Variants in NOL4 observed in about 807,000 individuals in gnomAD.
The protein encoded by NOL4 is cancer/testis antigen 125.
Under a neutral mutation model 75.9 loss-of-function variants are expected in NOL4, and 17 were observed. The observed-to-expected ratio is 0.22, with a 90% CI of 0.15 to 0.34. The LOEUF (loss-of-function observed/expected upper bound fraction) is 0.34. NOL4 is among the 10% of genes least tolerant of loss of function. The pLI, the probability that NOL4 is intolerant of heterozygous loss-of-function variation, is 1.00. For synonymous variants in NOL4, 292 were observed against 289.9 expected, an observed-to-expected ratio of 1.01 and a Z score of -0.07; for missense variants, 614 against 793.5, an observed-to-expected ratio of 0.77 and a Z score of 2.72.
intron 1 of NOL4, among the ~76,000 whole-genome samples, chr18:34,154,300 G>A (rs2029927048): frequency 6.6e-6 from 1 of 151,942 alleles, no homozygotes. Flanking sequence ...TTTAATGAAT[G>A]TACACATTAA....
At chr18:33,881,408 T>A (rs1164091511) in intron 10 of NOL4, among the ~76,000 whole-genome samples, 2 of 150,386 alleles carry the variant, frequency 1.3e-5, no homozygotes, top group Non-Finnish European at 3.0e-5. Context: ...CTATGTTGAA[T>A]AGGAGTGGTG....
At chr18:34,119,682 C>T (rs1367369389) in intron 2 of NOL4, among the ~76,000 whole-genome samples, 6 of 152,162 alleles carry the variant, frequency 3.9e-5, no homozygotes, top group African/African-American at 9.6e-5. Flanking sequence ...AGTGCAGTGG[C>T]GCGATCTCGG....
intron 10 of NOL4, among the ~76,000 whole-genome samples, chr18:33,881,502 G>A (rs2064270901): frequency 6.6e-6 from 1 of 152,016 alleles, no homozygotes; most frequent in East Asian, 1.9e-4. Context: ...GGCTGTGGAT[G>A]TGAAGGACCT....
chr18:33,874,903 T>C (rs1448717494), intron 10 of NOL4, among the ~76,000 whole-genome samples: 1 of 151,966 alleles, frequency 6.6e-6, no homozygotes, highest in Non-Finnish European at 1.5e-5. Flanking sequence ...TGAGGAATCA[T>C]TAAAGACAAA....
intron 5 of NOL4, among the ~76,000 whole-genome samples, chr18:34,046,626 ATATATATATATGTATATG>A (rs2076388600): frequency 7.3e-6 from 1 of 136,882 alleles, no homozygotes. Flanking sequence ...ATATATATAT[ATATATATATATGTATATG>A]TACTTTACTC....
chr18:33,970,167 A>C (rs950490193), intron 6 of NOL4, among the ~76,000 whole-genome samples: 1 of 152,202 alleles, frequency 6.6e-6, no homozygotes, highest in Non-Finnish European at 1.5e-5. Flanking sequence ...AATTCAAATA[A>C]GTATAGCCAT....
intron 9 of NOL4, among the ~76,000 whole-genome samples, chr18:33,936,122 A>G (rs1013176296): frequency 3.9e-5 from 6 of 152,244 alleles, no homozygotes; most frequent in Middle Eastern, 3.4e-3. Context: ...CCTCTCATAA[A>G]CCATGTCTTA....
At chr18:33,993,885 C>T (rs1402478437) in intron 6 of NOL4, among the ~76,000 whole-genome samples, 1 of 151,292 alleles carries the variant, frequency 6.6e-6, no homozygotes, top group Non-Finnish European at 1.5e-5. Context: ...AAAGAAAACA[C>T]AAAATACAAC....
intron 5 of NOL4, among the ~76,000 whole-genome samples, chr18:34,021,844 G>A (rs530152069): frequency 6.6e-5 from 10 of 152,108 alleles, no homozygotes; most frequent in Non-Finnish European, 1.3e-4. Flanking sequence ...GGCTGGGCGC[G>A]GTGGCTCATG....
At chr18:34,083,635 T>C (rs542531176) in intron 5 of NOL4, among the ~76,000 whole-genome samples, 27 of 152,310 alleles carry the variant, frequency 1.8e-4, no homozygotes, top group African/African-American at 5.1e-4. Flanking sequence ...TGTCCAAAGT[T>C]GTCAATAATA....
intron 10 of NOL4, among the ~76,000 whole-genome samples, chr18:33,870,433 G>T (rs1599688580): frequency 6.6e-6 from 1 of 151,868 alleles, no homozygotes; most frequent in South Asian, 2.1e-4. Context: ...CTACTGTATG[G>T]CATAGTTAAT....
intron 5 of NOL4, among the ~76,000 whole-genome samples, chr18:34,024,194 A>AAAAAAATATATATAT: frequency 3.1e-4 from 22 of 70,682 alleles, no homozygotes; most frequent in Non-Finnish European, 5.4e-4. Flanking sequence ...AAAAAAAAAA[A>AAAAAAATATATATAT]ATATATATAT....
chr18:33,972,222 G>C (rs967448746), intron 6 of NOL4, among the ~76,000 whole-genome samples: 5 of 151,350 alleles, frequency 3.3e-5, no homozygotes, highest in African/African-American at 1.2e-4. Flanking sequence ...TTTATGGTAT[G>C]CTGCAATTTT....
In NOL4 at chr18:33,923,801, C is replaced by T. The variant is rs555821033; in HGVS notation, c.1542+19264G>A. On this transcript the variant is annotated intron_variant, in intron 9 of 10. Coordinates refer to ENST00000261592, the MANE Select transcript of NOL4 (RefSeq NM_003787.5). Reference sequence around the variant, plus strand: ...TTATTTACTAAGTATAGACAAAGTACATATAGTTTTTTAAAAAGCAACAAC... The same window carrying T: ...TTATTTACTAAGTATAGACAAAGTATATATAGTTTTTTAAAAAGCAACAAC... Among the ~76,000 whole-genome samples the T allele has an allele frequency of 4.6e-5, 7 of 152,120 alleles. No individual in the cohort carries two copies. The South Asian group carries it at 1.5e-3, about 32-fold the overall frequency.
intron 9 of NOL4, among the ~76,000 whole-genome samples, chr18:33,906,193 T>G: frequency 6.6e-6 from 1 of 152,180 alleles, no homozygotes; most frequent in East Asian, 1.9e-4. Flanking sequence ...AATGTAGTGT[T>G]GAGTATTTGT....
At chr18:34,094,515 T>G (rs1005124625) in intron 4 of NOL4, among the ~76,000 whole-genome samples, 1 of 152,202 alleles carries the variant, frequency 6.6e-6, no homozygotes, top group African/African-American at 2.4e-5. Context: ...TATCAAAACT[T>G]TCCAAATGTT....
chr18:33,937,069 T>C (rs111851656), intron 9 of NOL4, among the ~76,000 whole-genome samples: 3 of 152,050 alleles, frequency 2.0e-5, no homozygotes, highest in Admixed American at 6.6e-5. Flanking sequence ...CCCTTTTGAA[T>C]TGTCAAAGTG....
intron 2 of NOL4, among the ~76,000 whole-genome samples, chr18:34,115,794 C>A (rs2145790489): frequency 6.6e-6 from 1 of 152,180 alleles, no homozygotes; most frequent in African/African-American, 2.4e-5. Flanking sequence ...CTAATCTCAC[C>A]CTTGGTGTGT....
chr18:34,086,698 T>C (rs1172922982), intron 5 of NOL4, among the ~76,000 whole-genome samples: 1 of 152,154 alleles, frequency 6.6e-6, no homozygotes, highest in Non-Finnish European at 1.5e-5. Flanking sequence ...TTACTAAAAT[T>C]TTATTCACAT....
Sources: allele counts gnomAD v4.1 joint callset (sites outside exome capture counted in the v4.1 genomes callset), GRCh38; gene constraint gnomAD v4.1.1; transcripts MANE v1.5; gene names NCBI Gene and HGNC (gene_info 2026-07-23, HGNC 2026-07-21).